The following SKAP1 variants were observed in gnomAD, a reference collection of about 807,000 sequenced individuals.
The protein encoded by SKAP1 is src kinase associated phosphoprotein 1.
A neutral mutation model predicts 58.5 loss-of-function variants in SKAP1; 44 were observed. The observed-to-expected ratio is 0.75, with a 90% CI of 0.59 to 0.97. SKAP1 has a LOEUF of 0.97. Among genes scored for constraint, SKAP1 ranks in the 50% least tolerant of loss-of-function variants. SKAP1 has a pLI of 0.00. For missense variants in SKAP1, 390 were observed against 435.2 expected (o/e 0.90, Z 0.92); for synonymous variants, 127 against 149.7 (o/e 0.85, Z 1.11).
chr17:48,330,078 G>T (rs969864096), intron 4 of SKAP1, among the ~76,000 whole-genome samples: 1 of 152,184 alleles, frequency 6.6e-6, no homozygotes, highest in African/African-American at 2.4e-5. Flanking sequence ...GCTGTTGTTG[G>T]TAATGAAGGC....
chr17:48,167,521 G>A (rs1027532031), intron 10 of SKAP1, among the ~76,000 whole-genome samples: 4 of 152,132 alleles, frequency 2.6e-5, no homozygotes, highest in African/African-American at 4.8e-5. Flanking sequence ...CTATTGGCGC[G>A]CACTAAAGTG....
chr17:48,339,203 T>G (rs926543000), intron 4 of SKAP1, among the ~76,000 whole-genome samples: 2 of 152,062 alleles, frequency 1.3e-5, no homozygotes, highest in African/African-American at 4.8e-5. Flanking sequence ...TTGACAGGAG[T>G]CATGTGCCTT....
At chr17:48,321,178 A>G (rs2066357349) in intron 4 of SKAP1, among the ~76,000 whole-genome samples, 1 of 152,138 alleles carries the variant, frequency 6.6e-6, no homozygotes, top group African/African-American at 2.4e-5. Flanking sequence ...CTAATTACCC[A>G]AAAGCAAAGA....
At chr17:48,231,650 C>T (rs1567830456) in intron 4 of SKAP1, among the ~76,000 whole-genome samples, 1 of 151,980 alleles carries the variant, frequency 6.6e-6, no homozygotes, top group Non-Finnish European at 1.5e-5. Context: ...GTACTAGGAC[C>T]CACAAGCTGA....
At chr17:48,269,784 GA>G (rs1317782177) in intron 4 of SKAP1, among the ~76,000 whole-genome samples, 2 of 152,078 alleles carry the variant, frequency 1.3e-5, no homozygotes, top group African/African-American at 4.8e-5. Flanking sequence ...GTTTAATAAA[GA>G]ATTTATTTTT....
chr17:48,272,293 G>A lies in SKAP1; in HGVS notation c.280+73612C>T, dbSNP rs2065643774. ...ATTACAGGTGTGTGCCACCATGCCT[G>A]GCTAATTTTTGTATTTTAAATAGAG... On this transcript the variant is annotated intron_variant, in intron 4 of 12. Transcript: ENST00000336915. 2.0e-5 allele frequency among the ~76,000 whole-genome samples: 3 copies of A among 151,878 alleles called. No individual in the cohort carries two copies. The East Asian group carries it at 5.8e-4, about 30-fold the overall frequency.
chr17:48,282,222 A>G (rs2065776026), intron 4 of SKAP1, among the ~76,000 whole-genome samples: 8 of 152,240 alleles, frequency 5.3e-5, no homozygotes, highest in Admixed American at 5.2e-4. Context: ...TGTATAGAAA[A>G]TAATGTAATG....
intron 3 of SKAP1, among the ~76,000 whole-genome samples, chr17:48,350,276 G>A (rs1269746358): frequency 6.6e-6 from 1 of 152,070 alleles, no homozygotes; most frequent in African/African-American, 2.4e-5. Flanking sequence ...TATTCAATAT[G>A]TAAAGTCTCG....
chr17:48,358,562 C>T (rs2066903237), intron 3 of SKAP1, among the ~76,000 whole-genome samples: 1 of 152,118 alleles, frequency 6.6e-6, no homozygotes, highest in Admixed American at 6.6e-5. Flanking sequence ...AATAAAAATG[C>T]TCTCTATAAA....
At chr17:48,158,522 T>C (rs113293476) in intron 11 of SKAP1, among the ~76,000 whole-genome samples, 5,129 of 124,338 alleles carry the variant, frequency 0.041, 108 homozygotes, top group Middle Eastern at 0.076. Flanking sequence ...GAGCCGAGAT[T>C]GTGCCACTGC....
intron 4 of SKAP1, among the ~76,000 whole-genome samples, chr17:48,253,145 C>T (rs187512599): frequency 1.8e-3 from 277 of 152,204 alleles, no homozygotes; most frequent in Admixed American, 4.3e-3. Flanking sequence ...TAAAGGGGGG[C>T]TGTCAATCTT....
chr17:48,227,985 A>G (rs1207072695), intron 4 of SKAP1, among the ~76,000 whole-genome samples: 3 of 152,366 alleles, frequency 2.0e-5, no homozygotes, highest in East Asian at 1.9e-4. Context: ...AAAGTCTCTC[A>G]TTCATTTCAA....
Position 48,417,824 on chromosome 17 carries a change from G to A in SKAP1, c.46+12251C>T, listed in dbSNP as rs566295216. On this transcript the variant is annotated intron_variant, in intron 1 of 12. Coordinates refer to ENST00000336915, the MANE Select transcript of SKAP1 (RefSeq NM_003726.4). ...AGATAAAGATGTTTTCTACAGCAGT[G>A]TGGATATATAAAATATTTGGAAACA... Among the ~76,000 whole-genome samples the A allele has an allele frequency of 9.2e-5, 14 of 152,066 alleles. No homozygotes were observed. In the South Asian group the frequency reaches 2.7e-3, roughly 29 times the overall value.
At chr17:48,377,118 G>A (rs2067159378) in intron 2 of SKAP1, 1 of 152,266 alleles carries the variant, frequency 6.6e-6, no homozygotes, top group Admixed American at 6.6e-5. Context: ...CTCTTGTGAA[G>A]TAGGCTGTGA....
chr17:48,432,075 C>T (rs914893443), upstream of SKAP1, among the ~76,000 whole-genome samples: 1 of 152,198 alleles, frequency 6.6e-6, no homozygotes, highest in Non-Finnish European at 1.5e-5. Context: ...GGGACAGAGG[C>T]TGGCATGAGC....
intron 4 of SKAP1, among the ~76,000 whole-genome samples, chr17:48,265,983 G>A (rs761331984): frequency 3.9e-5 from 6 of 152,104 alleles, no homozygotes; most frequent in African/African-American, 9.7e-5. Flanking sequence ...CTTGCTGTTT[G>A]ATTCCTCTCT....
At chr17:48,415,046 G>T (rs1264585584) in intron 1 of SKAP1, among the ~76,000 whole-genome samples, 1 of 152,162 alleles carries the variant, frequency 6.6e-6, no homozygotes, top group Non-Finnish European at 1.5e-5. Context: ...CCTAACAGTT[G>T]CAAGGGTTTT....
rs1325320595 is a variant in SKAP1, at chr17:48,180,224, T to C, written c.656A>G (p.Tyr219Cys). ...TTCTTCTTCCTCCTCATCCTCTTCA[T>C]ATGGAATGGTTAAGGAGCTCAGATC... ...LKDLSSLTIP[Y>C]EEDEEEEEKE... Residue 219 changes from tyrosine to cysteine, a missense_variant, in exon 9 of 13, where the codon TAT (tyrosine) becomes TGT (cysteine). Transcript: ENST00000336915. 3 of 1,597,324 alleles carry C rather than the reference T, an allele frequency of 1.9e-6. No individual in the cohort carries two copies. The highest frequency in any genetic ancestry group is 3.5e-5 in the Admixed American group (2 of 57,334).
intron 2 of SKAP1, chr17:48,382,697 G>C (rs934977666): frequency 6.6e-6 from 1 of 152,202 alleles, no homozygotes; most frequent in African/African-American, 2.4e-5. Context: ...CTAGCACTGT[G>C]CATTGCCTGT....
Sources: allele counts gnomAD v4.1 joint callset (sites outside exome capture counted in the v4.1 genomes callset), GRCh38; gene constraint gnomAD v4.1.1; transcripts MANE v1.5; gene names NCBI Gene and HGNC (gene_info 2026-07-23, HGNC 2026-07-21).